NRXN1: variants seen among roughly 807,000 people sequenced by gnomAD.
NRXN1 encodes neurexin 1.
NRXN1 carries 39 observed loss-of-function variants against 150.9 expected under a neutral mutation model. The observed-to-expected ratio is 0.26, with a 90% CI of 0.20 to 0.34. NRXN1 has a LOEUF of 0.34. Ranked by LOEUF, NRXN1 falls within the 10% of genes least tolerant of loss-of-function variation. The pLI, the probability that NRXN1 is intolerant of heterozygous loss-of-function variation, is 1.00. For synonymous variants in NRXN1, 924 were observed against 757.0 expected, an observed-to-expected ratio of 1.22 and a Z score of -3.62; for missense variants, 1,815 against 1,949.9, an observed-to-expected ratio of 0.93 and a Z score of 1.30.
chr2:50,291,886 G>A (rs932900716), intron 17 of NRXN1, among the ~76,000 whole-genome samples: 6 of 152,132 alleles, frequency 3.9e-5, no homozygotes, highest in African/African-American at 1.4e-4. Context: ...CAGCAGCCCT[G>A]TAAGGTTCTA....
At chr2:50,861,241 GTC>G (rs1449261456) in intron 5 of NRXN1, among the ~76,000 whole-genome samples, 1 of 151,974 alleles carries the variant, frequency 6.6e-6, no homozygotes, top group African/African-American at 2.4e-5. Flanking sequence ...TTGAGACAGA[GTC>G]TCTCTGTCTC....
chr2:50,443,828 T>C (rs886619591), intron 17 of NRXN1, among the ~76,000 whole-genome samples: 1 of 152,222 alleles, frequency 6.6e-6, no homozygotes, highest in African/African-American at 2.4e-5. Context: ...ACTTTCAATA[T>C]ACACTTTATA....
intron 5 of NRXN1, among the ~76,000 whole-genome samples, chr2:50,864,854 A>G (rs1676651689): frequency 6.6e-6 from 1 of 152,010 alleles, no homozygotes; most frequent in Non-Finnish European, 1.5e-5. Context: ...AAGAACTGTT[A>G]TAACACAAAT....
Position 50,927,617 on chromosome 2 carries a change from T to C in NRXN1, c.773-1662A>G, listed in dbSNP as rs891561342. On this transcript the variant is annotated intron_variant, in intron 2 of 22. Transcript: ENST00000401669. The stretch of plus-strand genomic sequence containing the variant: ...TTATATTGGACATAATACAAAGATA[T>C]AAATTATTGTAATGTTTAAGATATA... 9.9e-5 allele frequency among the ~76,000 whole-genome samples: 15 copies of C among 152,114 alleles called. No homozygotes were observed. The East Asian group carries it at 1.2e-3, about 12-fold the overall frequency.
At chr2:50,849,530 C>G (rs779751385) in intron 5 of NRXN1, among the ~76,000 whole-genome samples, 11 of 152,172 alleles carry the variant, frequency 7.2e-5, no homozygotes, top group African/African-American at 1.2e-4. Flanking sequence ...ACCAACGTTA[C>G]CCAATTAAGT....
chr2:50,391,414 C>A (rs1049520079), intron 17 of NRXN1, among the ~76,000 whole-genome samples: 7 of 151,756 alleles, frequency 4.6e-5, no homozygotes, highest in Admixed American at 2.0e-4. Flanking sequence ...ATAACTAAAC[C>A]TAATTATAGT....
chr2:50,886,993 A>AT (rs1345813930), intron 5 of NRXN1, among the ~76,000 whole-genome samples: 1 of 151,448 alleles, frequency 6.6e-6, no homozygotes, highest in Non-Finnish European at 1.5e-5. Context: ...AATATATTAA[A>AT]TTTGGATGAG....
intron 5 of NRXN1, among the ~76,000 whole-genome samples, chr2:50,895,563 TG>T (rs1416689148): frequency 6.8e-6 from 1 of 147,630 alleles, no homozygotes; most frequent in Non-Finnish European, 1.5e-5. Context: ...TTGTTTTTTT[TG>T]GTTGTTTTTT....
chr2:50,699,833 T>C (rs1411487538), intron 5 of NRXN1, among the ~76,000 whole-genome samples: 1 of 152,072 alleles, frequency 6.6e-6, no homozygotes, highest in African/African-American at 2.4e-5. Context: ...TTATAAGCCA[T>C]TGTTGGCTAT....
chr2:50,649,593 G>C (rs1685315192), intron 5 of NRXN1, among the ~76,000 whole-genome samples: 1 of 151,954 alleles, frequency 6.6e-6, no homozygotes, highest in Non-Finnish European at 1.5e-5. Flanking sequence ...TTTGCTTGAG[G>C]GTGGATGTCT....
chr2:50,545,006 A>G (rs1355072234), intron 9 of NRXN1, among the ~76,000 whole-genome samples: 1 of 152,198 alleles, frequency 6.6e-6, no homozygotes, highest in African/African-American at 2.4e-5. Context: ...AAAAGGCTGT[A>G]TAAGTATTTT....
intron 17 of NRXN1, among the ~76,000 whole-genome samples, chr2:50,394,197 G>A (rs1046501388): frequency 7.2e-5 from 11 of 151,860 alleles, no homozygotes; most frequent in Non-Finnish European, 1.2e-4. Context: ...CTTGTCCTGC[G>A]ACTACAATCT....
chr2:50,848,635 G>C (rs1263281176), intron 5 of NRXN1, among the ~76,000 whole-genome samples: 1 of 152,040 alleles, frequency 6.6e-6, no homozygotes, highest in African/African-American at 2.4e-5. Flanking sequence ...CAGAGACTAG[G>C]ACTGGAAAAC....
At chr2:50,684,819 TA>T (rs1690975650) in intron 5 of NRXN1, among the ~76,000 whole-genome samples, 1 of 152,230 alleles carries the variant, frequency 6.6e-6, no homozygotes, top group South Asian at 2.1e-4. Context: ...TTATTTTAGA[TA>T]AAGCTAAATT....
chr2:50,203,898 G>C (rs1282785807), intron 18 of NRXN1, among the ~76,000 whole-genome samples: 2 of 151,826 alleles, frequency 1.3e-5, no homozygotes, highest in Non-Finnish European at 2.9e-5. Context: ...AGTTTTCCTG[G>C]GGAAAAACAA....
intron 5 of NRXN1, among the ~76,000 whole-genome samples, chr2:50,680,710 A>C (rs1574077404): frequency 6.6e-6 from 1 of 152,128 alleles, no homozygotes; most frequent in East Asian, 1.9e-4. Flanking sequence ...GTTTGCCACA[A>C]GTAAACGAAT....
At chr2:50,615,289 G>A (rs1039398994) in intron 8 of NRXN1, 1 of 152,094 alleles carries the variant, frequency 6.6e-6, no homozygotes, top group African/African-American at 2.4e-5. Flanking sequence ...CACAGGCAGT[G>A]TCTCCACTCT....
intron 19 of NRXN1, among the ~76,000 whole-genome samples, chr2:50,082,457 T>C (rs1698113482): frequency 6.6e-6 from 1 of 152,196 alleles, no homozygotes; most frequent in Non-Finnish European, 1.5e-5. Context: ...GGGCTGCTAT[T>C]TGTATATTAC....
intron 17 of NRXN1, among the ~76,000 whole-genome samples, chr2:50,296,335 G>C (rs1355739099): frequency 6.6e-6 from 1 of 152,256 alleles, no homozygotes; most frequent in South Asian, 2.1e-4. Flanking sequence ...ATTGCCACAA[G>C]AGTTGTGAAC....
Sources: gnomAD v4.1 joint callset for allele counts (sites outside exome capture counted in the v4.1 genomes callset) on GRCh38, gnomAD v4.1.1 for gene constraint, MANE v1.5 for transcripts, NCBI Gene and HGNC (gene_info 2026-07-23, HGNC 2026-07-21) for gene names.